The following C1orf141 variants were observed in gnomAD, a reference collection of about 807,000 sequenced individuals.
C1orf141 encodes the protein uncharacterized protein C1orf141.
Under a neutral mutation model 23.2 loss-of-function variants are expected in C1orf141, and 19 were observed. That is an observed-to-expected ratio of 0.82 (90% confidence interval 0.57 to 1.20). C1orf141 has a LOEUF of 1.20. Among genes scored for constraint, C1orf141 ranks in the 50% most tolerant of loss-of-function variants. C1orf141 has a pLI of 0.00. For synonymous variants in C1orf141, 153 were observed against 154.6 expected (o/e 0.99, Z 0.08); for missense variants, 469 against 455.1 (o/e 1.03, Z -0.28).
chr1:67,141,002 T>A (rs1646631935), intron 1 of C1orf141, among the ~76,000 whole-genome samples: 1 of 152,194 alleles, frequency 6.6e-6, no homozygotes, highest in Non-Finnish European at 1.5e-5. Context: ...ATTTTTAGAT[T>A]TTCTTGTCAA....
chr1:67,127,077 T>C, intron 3 of C1orf141, 89 bp downstream of exon 3: 1 of 794,464 alleles, frequency 1.3e-6, no homozygotes, highest in South Asian at 2.0e-5. Flanking sequence ...ATCATATTAA[T>C]GTATCATTAG....
At chr1:67,096,438 C>A (rs1645683428) in intron 5 of C1orf141, 117 bp from the exon 6 acceptor site, 3 of 586,840 alleles carry the variant, frequency 5.1e-6, no homozygotes, top group Admixed American at 3.5e-5. Context: ...TAGTATAGTG[C>A]CTGGTCTGTA....
intron 5 of C1orf141, among the ~76,000 whole-genome samples, chr1:67,115,088 A>C (rs898902660): frequency 6.6e-6 from 1 of 152,256 alleles, no homozygotes; most frequent in Non-Finnish European, 1.5e-5. Flanking sequence ...GCTGAAAGGA[A>C]ACTCAGAGAT....
intron 5 of C1orf141, among the ~76,000 whole-genome samples, 192 bp from the exon 6 acceptor site, chr1:67,096,513 C>T (rs1645685247): frequency 6.6e-6 from 1 of 152,020 alleles, no homozygotes; most frequent in Admixed American, 6.6e-5. Flanking sequence ...AGATCGAAGC[C>T]CTAGTATTTG....
chr1:67,100,596 A>T (rs1645775301), intron 5 of C1orf141, among the ~76,000 whole-genome samples: 1 of 152,124 alleles, frequency 6.6e-6, no homozygotes. Context: ...CCAAAATGTG[A>T]CCATCAGCTA....
intron 4 of C1orf141, chr1:67,122,906 A>C (rs1323065154): frequency 6.6e-6 from 1 of 152,126 alleles, no homozygotes; most frequent in African/African-American, 2.4e-5. Flanking sequence ...AAGTACTCTT[A>C]AAAGTTCAGT....
In C1orf141 at chr1:67,092,198, A is replaced by G. The variant is rs1483075183; in HGVS notation, c.*807T>C. The G allele has an allele frequency of 6.6e-6, 1 of 152,332 alleles. No individual in the cohort carries two copies. Among genetic ancestry groups the G allele is most frequent in the Non-Finnish European group, 1.5e-5 (1 of 68,032 alleles). The allele number at this position is 152,332 out of a possible 1,614,324, so 9.4% of individuals were successfully genotyped here. On this transcript the variant is annotated 3_prime_UTR_variant, in exon 8 of 8. Transcript: ENST00000684719. ...GTTAATTTTGGAATTTATTACTTCC[A>G]AGATTATTTTTATGTGAAATACATT...
At position 67,115,805 on chromosome 1, in the gene C1orf141, G is replaced by A. The variant is rs540174206; in HGVS notation, c.234-341C>T. ...AGGACATTACTGGACCTGAATCAAA[G>A]TGGTGGGACATAGAGTTAGGGAATT... On this transcript the variant is annotated intron_variant, in intron 4 of 7. Coordinates refer to ENST00000684719, the MANE Select transcript of C1orf141 (RefSeq NM_001276351.2). 6.4e-4 allele frequency among the ~76,000 whole-genome samples: 97 copies of A among 152,308 alleles called. 1 individual carries two copies. The highest frequency in any genetic ancestry group is 2.2e-3 in the African/African-American group (92 of 41,572).
At chr1:67,098,489 C>T (rs1026708084) in intron 5 of C1orf141, among the ~76,000 whole-genome samples, 1 of 151,872 alleles carries the variant, frequency 6.6e-6, no homozygotes, top group African/African-American at 2.4e-5. Context: ...CACCACACTC[C>T]AGCCTAGGCG....
chr1:67,123,961 T>A (rs755788753), intron 4 of C1orf141: 2 of 152,202 alleles, frequency 1.3e-5, no homozygotes, highest in Non-Finnish European at 2.9e-5. Context: ...AGCACTACAA[T>A]GCACCTAGTT....
chr1:67,104,243 A>G (rs1211742947), intron 5 of C1orf141, among the ~76,000 whole-genome samples: 1 of 152,174 alleles, frequency 6.6e-6, no homozygotes, highest in African/African-American at 2.4e-5. Context: ...GACAGGAAAG[A>G]TTTCATAGAG....
At chr1:67,109,115 C>T (rs995075714) in intron 5 of C1orf141, among the ~76,000 whole-genome samples, 47 of 151,942 alleles carry the variant, frequency 3.1e-4, no homozygotes, top group Non-Finnish European at 5.3e-4. Context: ...ATCACGAGGT[C>T]GGGAGATCGA....
chr1:67,114,388 A>G (rs550319412), intron 5 of C1orf141, among the ~76,000 whole-genome samples: 2 of 152,368 alleles, frequency 1.3e-5, no homozygotes, highest in South Asian at 4.1e-4. Flanking sequence ...CACACATTCA[A>G]AGATAATAAG....
At chr1:67,123,331 C>A (rs2102486396) in intron 4 of C1orf141, 1 of 151,992 alleles carries the variant, frequency 6.6e-6, no homozygotes, top group East Asian at 1.9e-4. Context: ...GCATACTTAA[C>A]ATGGTTTATA....
At chr1:67,098,356 A>C (rs1212526971) in intron 5 of C1orf141, among the ~76,000 whole-genome samples, 30 of 152,136 alleles carry the variant, frequency 2.0e-4, no homozygotes, top group Admixed American at 1.8e-3. Flanking sequence ...CCCCATCTCT[A>C]CTAAAAGTAC....
At chr1:67,117,315 C>T (rs1303072837) in intron 4 of C1orf141, among the ~76,000 whole-genome samples, 2 of 152,022 alleles carry the variant, frequency 1.3e-5, no homozygotes, top group Non-Finnish European at 2.9e-5. Context: ...CCCAGCTACT[C>T]GGGAGGCTGA....
At chr1:67,099,821 C>T (rs1472135465) in intron 5 of C1orf141, among the ~76,000 whole-genome samples, 1 of 152,064 alleles carries the variant, frequency 6.6e-6, no homozygotes, top group Non-Finnish European at 1.5e-5. Context: ...ATACAGGAGT[C>T]AATGATGAGC....
At chr1:67,140,553 G>C (rs1331588526) in intron 1 of C1orf141, among the ~76,000 whole-genome samples, 1 of 152,106 alleles carries the variant, frequency 6.6e-6, no homozygotes, top group East Asian at 1.9e-4. Flanking sequence ...AAGGAACAGA[G>C]AAAGATGCAC....
chr1:67,117,983 A>T (rs1321152), intron 4 of C1orf141, among the ~76,000 whole-genome samples: 135,629 of 152,166 alleles, frequency 0.89, 60,677 homozygotes, highest in East Asian at 0.97. Context: ...GTAAGAATTA[A>T]GTAAAATAAA....
Sources: allele counts gnomAD v4.1 joint callset (sites outside exome capture counted in the v4.1 genomes callset), GRCh38; gene constraint gnomAD v4.1.1; transcripts MANE v1.5; gene names NCBI Gene and HGNC (gene_info 2026-07-23, HGNC 2026-07-21).